Variants in MECOM observed in about 807,000 individuals in gnomAD.
MECOM encodes histone-lysine N-methyltransferase MECOM.
MECOM carries 13 observed loss-of-function variants against 116.3 expected under a neutral mutation model. The observed-to-expected ratio is 0.11, with a 90% confidence interval of 0.07 to 0.18. The LOEUF (loss-of-function observed/expected upper bound fraction) is 0.18. Among genes scored for constraint, MECOM ranks in the 10% least tolerant of loss-of-function variants. MECOM has a pLI of 1.00. For synonymous variants in MECOM, 528 were observed against 535.2 expected, an observed-to-expected ratio of 0.99 and a Z score of 0.19; for missense variants, 1,299 against 1,509.0, an observed-to-expected ratio of 0.86 and a Z score of 2.31.
rs562932299 is a variant in MECOM, at chr3:169,391,622, G to T, written c.38-10098C>A. On this transcript the variant is annotated intron_variant, in intron 1 of 16. Transcript: ENST00000651503. ...TTATATATTTTGATTAAAAATGTTT[G>T]CAGAAAAATATGAACAGATGTGCTA... Among the ~76,000 whole-genome samples the T allele has an allele frequency of 3.3e-5, 5 of 152,152 alleles. No homozygotes were observed. The South Asian group carries it at 8.3e-4, about 25-fold the overall frequency.
intron 2 of MECOM, among the ~76,000 whole-genome samples, chr3:169,267,805 G>T (rs1758497553): frequency 6.6e-6 from 1 of 151,974 alleles, no homozygotes; most frequent in Admixed American, 6.6e-5. Context: ...ATTTACCAGG[G>T]GTTGGAGGAA....
intron 7 of MECOM, among the ~76,000 whole-genome samples, chr3:169,119,861 G>T (rs1032210198): frequency 1.3e-5 from 2 of 152,022 alleles, no homozygotes; most frequent in African/African-American, 4.8e-5. Flanking sequence ...TAATCTGCTA[G>T]TCCTCTTCAC....
At chr3:169,428,669 A>G (rs577925758) in intron 1 of MECOM, among the ~76,000 whole-genome samples, 1 of 152,234 alleles carries the variant, frequency 6.6e-6, no homozygotes, top group South Asian at 2.1e-4. Flanking sequence ...GGTCATACAC[A>G]CTCTATTGTA....
chr3:169,193,393 A>G (rs1747976683), intron 2 of MECOM, among the ~76,000 whole-genome samples: 1 of 152,044 alleles, frequency 6.6e-6, no homozygotes, highest in Non-Finnish European at 1.5e-5. Context: ...GGAGTGAGCT[A>G]ATATCAGAAG....
chr3:169,143,553 T>G lies in MECOM; in HGVS notation c.510+145A>C, dbSNP rs1005846204. ...GTACTAAATATGAATTTGTTCTGCA[T>G]TTTACTTATATTTGTGCATTATCTT... On this transcript the variant is annotated intron_variant, in intron 3 of 16. Coordinates refer to ENST00000651503, the MANE Select transcript of MECOM (RefSeq NM_004991.4). The G allele has an allele frequency of 2.4e-5, 17 of 698,012 alleles. No individual in the cohort carries two copies. In the East Asian group the frequency reaches 5.1e-4, roughly 21 times the overall value. 43.2% of individuals were successfully genotyped at this position (698,012 alleles called of 1,614,324 possible).
chr3:169,532,195 T>G (rs752382824), intron 1 of MECOM, among the ~76,000 whole-genome samples: 11 of 152,190 alleles, frequency 7.2e-5, no homozygotes, highest in African/African-American at 1.9e-4. Context: ...TGCCCCATGC[T>G]CAGAGTTTCT....
At chr3:169,524,533 T>C (rs144766238) in intron 1 of MECOM, among the ~76,000 whole-genome samples, 69 of 152,244 alleles carry the variant, frequency 4.5e-4, no homozygotes, top group African/African-American at 1.6e-3. Context: ...AGGCTAAGAG[T>C]GGCCATTAAG....
intron 7 of MECOM, among the ~76,000 whole-genome samples, chr3:169,120,706 G>A (rs956362668): frequency 6.6e-6 from 1 of 152,142 alleles, no homozygotes; most frequent in Non-Finnish European, 1.5e-5. Context: ...AGTGATGGCT[G>A]CTATTTGCTG....
intron 1 of MECOM, among the ~76,000 whole-genome samples, chr3:169,446,824 C>T (rs1403578312): frequency 1.3e-5 from 2 of 152,180 alleles, no homozygotes; most frequent in African/African-American, 4.8e-5. Context: ...AAAGCCCATG[C>T]TCCTAATGAC....
intron 1 of MECOM, 130 bp downstream of exon 1, chr3:169,663,206 G>T: frequency 3.8e-6 from 4 of 1,048,828 alleles, no homozygotes; most frequent in Non-Finnish European, 5.7e-6. Flanking sequence ...CTGGGGCTGC[G>T]CTCCGCCTGC....
At chr3:169,601,193 T>G (rs563253352) in intron 1 of MECOM, among the ~76,000 whole-genome samples, 57 of 152,326 alleles carry the variant, frequency 3.7e-4, no homozygotes, top group African/African-American at 1.3e-3. Context: ...CCTCATAGTT[T>G]TATAAGCCTT....
At chr3:169,131,886 C>A (rs1371079609) in intron 3 of MECOM, 5 of 1,018,480 alleles carry the variant, frequency 4.9e-6, no homozygotes, top group Non-Finnish European at 4.7e-6. Context: ...ACCACACGTA[C>A]TCACAGAGTT....
At chr3:169,194,867 G>A (rs751943500) in intron 2 of MECOM, among the ~76,000 whole-genome samples, 4 of 152,102 alleles carry the variant, frequency 2.6e-5, no homozygotes, top group East Asian at 1.9e-4. Context: ...TACATTCTGC[G>A]TGCAAATATT....
At chr3:169,584,320 C>G (rs1367161576) in intron 1 of MECOM, among the ~76,000 whole-genome samples, 3 of 151,984 alleles carry the variant, frequency 2.0e-5, no homozygotes, top group Non-Finnish European at 4.4e-5. Flanking sequence ...AATCCCAGCA[C>G]TTTGGGAGGC....
At chr3:169,376,838 A>C (rs1731125150) in intron 2 of MECOM, among the ~76,000 whole-genome samples, 1 of 152,194 alleles carries the variant, frequency 6.6e-6, no homozygotes, top group South Asian at 2.1e-4. Context: ...TTTAAATTTC[A>C]TGTGGAACCA....
At chr3:169,349,407 G>C (rs565166031) in intron 2 of MECOM, among the ~76,000 whole-genome samples, 1 of 151,890 alleles carries the variant, frequency 6.6e-6, no homozygotes, top group Non-Finnish European at 1.5e-5. Flanking sequence ...GCCACTTCAC[G>C]CTCTAGTGGG....
At chr3:169,247,958 C>T (rs1755799121) in intron 2 of MECOM, among the ~76,000 whole-genome samples, 1 of 152,128 alleles carries the variant, frequency 6.6e-6, no homozygotes, top group Non-Finnish European at 1.5e-5. Flanking sequence ...GACTTTTGCC[C>T]AGTGAACCTA....
At chr3:169,189,551 CA>C (rs1747236800) in intron 2 of MECOM, among the ~76,000 whole-genome samples, 1 of 152,014 alleles carries the variant, frequency 6.6e-6, no homozygotes, top group Admixed American at 6.6e-5. Flanking sequence ...ATAAATCTGC[CA>C]TTTTTAACCT....
At chr3:169,540,704 A>G (rs1039675162) in intron 1 of MECOM, among the ~76,000 whole-genome samples, 11 of 152,140 alleles carry the variant, frequency 7.2e-5, no homozygotes, top group Non-Finnish European at 1.6e-4. Flanking sequence ...CAATATACCC[A>G]CACATTTGGC....
Sources: gnomAD v4.1 joint callset for allele counts (sites outside exome capture counted in the v4.1 genomes callset) on GRCh38, gnomAD v4.1.1 for gene constraint, MANE v1.5 for transcripts, NCBI Gene and HGNC (gene_info 2026-07-23, HGNC 2026-07-21) for gene names.